Variants in SLC12A3 observed in about 807,000 individuals in gnomAD.
SLC12A3 encodes the protein solute carrier family 12 member 3, also known as Na-Cl cotransporter.
Under a neutral mutation model 121.0 loss-of-function variants are expected in SLC12A3, and 104 were observed. The ratio of observed to expected loss-of-function variants is 0.86; its 90% CI spans 0.73 to 1.01. SLC12A3 has a LOEUF of 1.01. SLC12A3 is among the 50% of genes least tolerant of loss of function. SLC12A3 has a pLI of 0.00. For missense variants in SLC12A3, 1,328 were observed against 1,356.3 expected (o/e 0.98, Z 0.33); for synonymous variants, 536 against 533.4 (o/e 1.00, Z -0.07).
At chr16:56,869,668 A>G (rs957246913) in intron 3 of SLC12A3, 61 bp from the exon 4 acceptor site, 45 of 1,359,542 alleles carry the variant, frequency 3.3e-5, no homozygotes, top group Non-Finnish European at 1.7e-5. Context: ...GTGAATGAGT[A>G]GGCAAACTGG....
intron 19 of SLC12A3, among the ~76,000 whole-genome samples, chr16:56,891,800 A>G (rs2055391608): frequency 6.6e-6 from 1 of 152,156 alleles, no homozygotes; most frequent in Non-Finnish European, 1.5e-5. Flanking sequence ...GGCCAGGGCT[A>G]GGGGAAGTAT....
Position 56,870,107 on chromosome 16 carries a change from T to C in SLC12A3, c.613T>C (p.Phe205Leu). Reference protein sequence around the residue: ...NGKVKSGGTYFLISRSLGPEL... With the variant: ...NGKVKSGGTYLLISRSLGPEL... ...CTCTGCCCTGATAGGTGGCACCTACTTCCTCATCTCCCGGAGTCTGGGCCC... is the reference window on the plus strand; with the variant it reads ...CTCTGCCCTGATAGGTGGCACCTACCTCCTCATCTCCCGGAGTCTGGGCCC... The change falls in exon 5 of 26, where the codon TTC becomes CTC. Residue 205 changes from phenylalanine to leucine, a missense_variant. By Grantham distance (22) the Phe-to-Leu change is conservative. Coordinates refer to ENST00000563236, the MANE Select transcript of SLC12A3 (RefSeq NM_001126108.2). 1 of 1,613,522 alleles carries C rather than the reference T, an allele frequency of 6.2e-7. No individual in the cohort carries two copies. The highest frequency in any genetic ancestry group is 1.1e-5 in the South Asian group (1 of 91,088).
chr16:56,902,531 G>GGGGGGCCCCC, intron 24 of SLC12A3, 23 bp downstream of exon 24: 1 of 714,516 alleles, frequency 1.4e-6, no homozygotes, highest in Admixed American at 1.9e-5. Context: ...GTGGGGGTGG[G>GGGGGGCCCCC]AAACGCGACA....
rs768061433 is a variant in SLC12A3, at chr16:56,894,626, G to C, written c.2617G>C (p.Asp873His). The C allele has an allele frequency of 1.9e-6, 3 of 1,613,988 alleles. No individual in the cohort carries two copies. The highest frequency in any genetic ancestry group is 2.5e-6 in the Non-Finnish European group (3 of 1,179,886). ...CGTAGGCGGCCAGATTAACAGGATG[G>C]ACCAGGAGAGAAAGGCGTAAGTGTG... ...VFVGGQINRMDQERKAIISLL... is the reference protein window; with the variant it reads ...VFVGGQINRMHQERKAIISLL... Residue 873 changes from aspartate (D) to histidine (H), a missense_variant, in exon 22 of 26, where the codon GAC becomes CAC. Transcript: ENST00000563236.
At chr16:56,886,579 G>A in intron 16 of SLC12A3, 104 bp downstream of exon 16, 1 of 1,052,620 alleles carries the variant, frequency 9.5e-7, no homozygotes, top group East Asian at 2.4e-5. Flanking sequence ...GAGGTCAGGA[G>A]TTTGAGACCA....
In SLC12A3 at chr16:56,894,744, G is replaced by A. The variant is rs1306124100; in HGVS notation, c.2633+102G>A. The stretch of plus-strand genomic sequence containing the variant: ...CCTAGATCCTCTACCACCACCCCCA[G>A]GTGGGCACTGAGATTGTCCCAAAGC... On this transcript the variant is annotated intron_variant, in intron 22 of 25. Coordinates refer to ENST00000563236, the MANE Select transcript of SLC12A3 (RefSeq NM_001126108.2). The A allele has an allele frequency of 1.5e-5, 13 of 858,024 alleles. No individual in the cohort carries two copies. In the African/African-American group the frequency reaches 2.2e-4, roughly 14 times the overall value. The allele number at this position is 858,024 out of a possible 1,614,324, so 53.2% of individuals were successfully genotyped here. A position where few individuals can be genotyped will look rare whatever the true frequency, so the allele number is the denominator to read the frequency against.
chr16:56,868,291 T>C lies in SLC12A3; in HGVS notation c.430-6T>C, dbSNP rs775056684. 6.2e-7 allele frequency: 1 copy of C among 1,613,912 alleles called. No individual in the cohort carries two copies. The highest frequency in any genetic ancestry group is 1.1e-5 in the South Asian group (1 of 90,956). ...CAGGTGGCCTCTGACCCCCCTGTCC[T>C]CCCAGATTCGTTGCATGCTCAACAT... On this transcript the variant is annotated splice_polypyrimidine_tract_variant and splice_region_variant and intron_variant, in intron 2 of 25. Transcript: ENST00000563236.
chr16:56,877,657 G>T (rs530488904), intron 8 of SLC12A3, among the ~76,000 whole-genome samples: 1 of 152,182 alleles, frequency 6.6e-6, no homozygotes, highest in Admixed American at 6.5e-5. Context: ...TGAGAGCACA[G>T]CCCCCTGCCC....
intron 21 of SLC12A3, among the ~76,000 whole-genome samples, chr16:56,893,897 C>T (rs2055423913): frequency 6.6e-6 from 1 of 152,090 alleles, no homozygotes; most frequent in Non-Finnish European, 1.5e-5. Flanking sequence ...CCTGCCTCAG[C>T]CTCCTGAGTA....
chr16:56,888,411 T>C (rs1207246640), intron 18 of SLC12A3, among the ~76,000 whole-genome samples: 1 of 152,136 alleles, frequency 6.6e-6, no homozygotes, highest in African/African-American at 2.4e-5. Context: ...ATGAGTGAAG[T>C]GGGCCAGGCC....
chr16:56,870,316 C>G, intron 5 of SLC12A3, 81 bp downstream of exon 5: 3 of 1,431,768 alleles, frequency 2.1e-6, no homozygotes, highest in Non-Finnish European at 2.8e-6. Flanking sequence ...GGGCTGGGGC[C>G]TCCTGCTGCT....
chr16:56,908,199 C>T (rs149405039), intron 25 of SLC12A3, among the ~76,000 whole-genome samples: 11,228 of 124,482 alleles, frequency 0.09, 590 homozygotes, highest in Admixed American at 0.14. Context: ...GTCACTCTGT[C>T]ACCCAGGCTG....
intron 11 of SLC12A3, 116 bp from the exon 12 acceptor site, chr16:56,880,014 A>T (rs2055217015): frequency 7.8e-7 from 1 of 1,289,026 alleles, no homozygotes; most frequent in Non-Finnish European, 1.1e-6. Flanking sequence ...AGACACCAGG[A>T]CCCAGGTTGG....
rs563964999 is a variant in SLC12A3 at position 56,882,043 on chromosome 16, C to T, written c.1568-353C>T. Among the ~76,000 whole-genome samples the T allele has an allele frequency of 1.1e-4, 13 of 122,778 alleles. No homozygotes were observed. The East Asian group carries it at 3.1e-3, about 29-fold the overall frequency. The allele number at this position is 122,778 out of a possible 152,430, so 80.5% of individuals were successfully genotyped here. ...CAGCCTGGGTGACAGAGCGAGAGTC[C>T]GTCTCAAAAAAAAAAAAAAAGAAAA... On this transcript the variant is annotated intron_variant, in intron 12 of 25. Transcript: ENST00000563236.
Position 56,879,163 on chromosome 16 carries a change from G to A in SLC12A3, c.1271G>A (p.Gly424Asp). The change falls in exon 10 of 26, where the codon GGC (glycine) becomes GAC (aspartate). Residue 424 changes from glycine to aspartate, a missense_variant. By Grantham distance (94) the Gly-to-Asp change is moderately conservative. Coordinates refer to ENST00000563236, the MANE Select transcript of SLC12A3 (RefSeq NM_001126108.2). ...GACEGLACSY[G>D]WNFTECTQQH... ...TGCGAGGGGCTGGCCTGCAGCTATG[G>A]CTGGAACTTCACCGAGTGCACCCAG... 1 of 1,613,450 alleles carries A rather than the reference G, an allele frequency of 6.2e-7. No individual in the cohort carries two copies.
rs1248764298 is a variant in SLC12A3, at chr16:56,885,284, G to A, written c.1845G>A (p.Ser615=). ...YKKPEVNWGS[S]VQAGSYNLAL... is the part of the protein sequence containing the mutation. ...TCCCAGAGGTAAATTGGGGCTCCTC[G>A]GTACAGGCTGGCTCCTACAACCTGG... Residue 615 remains serine, a synonymous_variant, in exon 15 of 26, where the codon TCG becomes TCA. Coordinates refer to ENST00000563236, the MANE Select transcript of SLC12A3 (RefSeq NM_001126108.2). 17 of 1,553,332 alleles carry A rather than the reference G, an allele frequency of 1.1e-5. 1 individual carries two copies. In the East Asian group the frequency reaches 1.7e-4, roughly 16 times the overall value.
chr16:56,902,531 G>GGGGGGGA, intron 24 of SLC12A3, 23 bp downstream of exon 24: 1 of 714,566 alleles, frequency 1.4e-6, no homozygotes. Flanking sequence ...GTGGGGGTGG[G>GGGGGGGA]AAACGCGACA....
At chr16:56,877,024 G>A (rs139238742) in intron 8 of SLC12A3, among the ~76,000 whole-genome samples, 717 of 152,322 alleles carry the variant, frequency 4.7e-3, no homozygotes, top group Admixed American at 8.6e-3. Context: ...CACTTCTCAG[G>A]AAATTACATT....
intron 8 of SLC12A3, among the ~76,000 whole-genome samples, chr16:56,876,530 G>T (rs914413085): frequency 6.6e-6 from 1 of 152,206 alleles, no homozygotes; most frequent in African/African-American, 2.4e-5. Flanking sequence ...GGAGACCGAG[G>T]CAGGGAGAAG....
Sources: allele counts gnomAD v4.1 joint callset (sites outside exome capture counted in the v4.1 genomes callset), GRCh38; gene constraint gnomAD v4.1.1; transcripts MANE v1.5; gene names NCBI Gene and HGNC (gene_info 2026-07-23, HGNC 2026-07-21).